CSMD1: variants seen among roughly 807,000 people sequenced by gnomAD.
The protein encoded by CSMD1 is CUB and Sushi multiple domains 1, also known as CUB and sushi domain-containing protein 1.
In CSMD1, 213 loss-of-function variants were observed where a neutral mutation model predicts 417.5. The ratio of observed to expected loss-of-function variants is 0.51; its 90% CI spans 0.46 to 0.57. CSMD1 has a LOEUF of 0.57. CSMD1 is among the 20% of genes least tolerant of loss of function. The pLI is 0.00. For missense variants in CSMD1, 6,923 were observed against 4,529.7 expected, an observed-to-expected ratio of 1.53 and a Z score of -15.17; for synonymous variants, 2,862 against 1,736.8, an observed-to-expected ratio of 1.65 and a Z score of -16.11.
chr8:3,149,520 C>T (rs1460847314), intron 40 of CSMD1, among the ~76,000 whole-genome samples: 1 of 152,144 alleles, frequency 6.6e-6, no homozygotes, highest in East Asian at 1.9e-4. Flanking sequence ...GCTCTGTCAC[C>T]AAGCTGGAGC....
chr8:4,836,639 C>T (rs1800511128), intron 1 of CSMD1, among the ~76,000 whole-genome samples: 1 of 152,150 alleles, frequency 6.6e-6, no homozygotes, highest in South Asian at 2.1e-4. Flanking sequence ...TCTTAAAAGG[C>T]AGTCAGTACT....
At chr8:4,939,087 C>G (rs1022271768) in intron 1 of CSMD1, among the ~76,000 whole-genome samples, 1 of 152,174 alleles carries the variant, frequency 6.6e-6, no homozygotes, top group Non-Finnish European at 1.5e-5. Context: ...CCCCCCTCTG[C>G]GGGTTGCCTC....
intron 37 of CSMD1, among the ~76,000 whole-genome samples, chr8:3,180,160 T>C (rs564281435): frequency 2.1e-4 from 32 of 152,340 alleles, no homozygotes; most frequent in Admixed American, 1.2e-3. Flanking sequence ...CTTACTCTCA[T>C]TGGAAATTCT....
chr8:3,994,803 C>G (rs539309849), intron 5 of CSMD1, among the ~76,000 whole-genome samples: 6 of 152,286 alleles, frequency 3.9e-5, no homozygotes, highest in African/African-American at 1.4e-4. Context: ...TAATTTCACT[C>G]CAAATTAAAT....
At chr8:4,651,707 C>G (rs774080180) in intron 1 of CSMD1, among the ~76,000 whole-genome samples, 2 of 152,160 alleles carry the variant, frequency 1.3e-5, no homozygotes, top group East Asian at 3.9e-4. Flanking sequence ...ATTATTTCAA[C>G]ATGACACTCT....
At chr8:4,356,260 C>G (rs560481938) in intron 3 of CSMD1, among the ~76,000 whole-genome samples, 2 of 152,104 alleles carry the variant, frequency 1.3e-5, no homozygotes, top group African/African-American at 2.4e-5. Context: ...CCAATCTCAT[C>G]CCGGTCACTG....
chr8:4,669,062 A>G (rs1805127509), intron 1 of CSMD1, among the ~76,000 whole-genome samples: 1 of 152,138 alleles, frequency 6.6e-6, no homozygotes, highest in African/African-American at 2.4e-5. Flanking sequence ...CAGAATTTAC[A>G]CAGCTCTTAA....
At chr8:3,818,540 G>C (rs1030139958) in intron 5 of CSMD1, among the ~76,000 whole-genome samples, 3 of 152,132 alleles carry the variant, frequency 2.0e-5, no homozygotes, top group Non-Finnish European at 2.9e-5. Flanking sequence ...CTTACCCCAA[G>C]AAGACAGGAG....
intron 3 of CSMD1, among the ~76,000 whole-genome samples, chr8:4,101,203 G>T (rs1218675321): frequency 6.6e-6 from 1 of 152,158 alleles, no homozygotes; most frequent in Admixed American, 6.5e-5. Context: ...CTACATACAC[G>T]TATGAATTCT....
intron 1 of CSMD1, among the ~76,000 whole-genome samples, chr8:4,916,128 T>C (rs1806052961): frequency 6.6e-6 from 1 of 152,178 alleles, no homozygotes; most frequent in Non-Finnish European, 1.5e-5. Flanking sequence ...TCTGATGAAG[T>C]CAGGAAGATA....
chr8:4,558,229 C>T (rs1020106787), intron 2 of CSMD1, among the ~76,000 whole-genome samples: 2 of 152,110 alleles, frequency 1.3e-5, no homozygotes, highest in African/African-American at 4.8e-5. Flanking sequence ...TCACTTTAGT[C>T]AGTAAAGATA....
At chr8:4,066,552 A>G (rs1041790261) in intron 3 of CSMD1, among the ~76,000 whole-genome samples, 3 of 152,224 alleles carry the variant, frequency 2.0e-5, no homozygotes, top group African/African-American at 2.4e-5. Flanking sequence ...TTTTACCATT[A>G]AAGACTTGTT....
chr8:3,765,939 G>T (rs1001379067), intron 5 of CSMD1, among the ~76,000 whole-genome samples: 2 of 152,234 alleles, frequency 1.3e-5, no homozygotes, highest in Non-Finnish European at 2.9e-5. Flanking sequence ...CTGTAAAAAT[G>T]GCCTGGATGC....
At chr8:4,762,316 T>A (rs1001070494) in intron 1 of CSMD1, among the ~76,000 whole-genome samples, 3 of 152,142 alleles carry the variant, frequency 2.0e-5, no homozygotes, top group Admixed American at 2.0e-4. Flanking sequence ...TGTTTACTGG[T>A]ATAACATTTA....
intron 1 of CSMD1, among the ~76,000 whole-genome samples, chr8:4,951,607 G>A (rs117102021): frequency 6.6e-6 from 1 of 151,004 alleles, no homozygotes; most frequent in Non-Finnish European, 1.5e-5. Flanking sequence ...AACCTGCGGG[G>A]TTTTTTTAAT....
In CSMD1 at chr8:3,378,933, A is replaced by G. The variant is rs191423858; in HGVS notation, c.2782+8561T>C. 2.5e-3 allele frequency among the ~76,000 whole-genome samples: 383 copies of G among 152,328 alleles called. 3 individuals carry two copies. Among genetic ancestry groups the G allele is most frequent in the African/African-American group, 8.9e-3 (372 of 41,578 alleles). On this transcript the variant is annotated intron_variant, in intron 18 of 69. Transcript: ENST00000635120. ...AAGAGAAAGAAAGAAAACGCATTCAAATAGGAAGAGATGAAGTCAAATTGT... is the reference window on the plus strand; with the variant it reads ...AAGAGAAAGAAAGAAAACGCATTCAGATAGGAAGAGATGAAGTCAAATTGT...
chr8:4,198,990 T>C (rs1799497093), intron 3 of CSMD1, among the ~76,000 whole-genome samples: 1 of 152,124 alleles, frequency 6.6e-6, no homozygotes, highest in Non-Finnish European at 1.5e-5. Context: ...CCTCCTGTAA[T>C]CCTTTGCAAA....
At chr8:3,886,128 G>A (rs1035256997) in intron 5 of CSMD1, among the ~76,000 whole-genome samples, 4 of 151,984 alleles carry the variant, frequency 2.6e-5, no homozygotes, top group Non-Finnish European at 4.4e-5. Context: ...TCAGCTCACT[G>A]CAACCTCTGT....
At chr8:3,296,538 G>A (rs1464917449) in intron 25 of CSMD1, among the ~76,000 whole-genome samples, 2 of 152,144 alleles carry the variant, frequency 1.3e-5, no homozygotes, top group African/African-American at 4.8e-5. Context: ...TAAAGAACTG[G>A]CCGTGCTTGC....
Sources: allele counts gnomAD v4.1 joint callset (sites outside exome capture counted in the v4.1 genomes callset), GRCh38; gene constraint gnomAD v4.1.1; transcripts MANE v1.5; gene names NCBI Gene and HGNC (gene_info 2026-07-23, HGNC 2026-07-21).